MED13L: variants seen among roughly 807,000 people sequenced by gnomAD.
MED13L encodes mediator complex subunit 13L.
A neutral mutation model predicts 220.9 loss-of-function variants in MED13L; 7 were observed. The ratio of observed to expected loss-of-function variants is 0.03; its 90% CI spans 0.02 to 0.06. MED13L has a LOEUF of 0.06. Among genes scored for constraint, MED13L ranks in the 10% least tolerant of loss-of-function variants. The pLI, the probability that MED13L is intolerant of heterozygous loss-of-function variation, is 1.00. For synonymous variants in MED13L, 1,011 were observed against 1,015.2 expected (o/e 1.00, Z 0.08); for missense variants, 1,965 against 2,760.5 (o/e 0.71, Z 6.46).
rs554213058 is a variant in MED13L at position 115,977,051 on chromosome 12, T to C, written c.5365-1313A>G. The stretch of plus-strand genomic sequence containing the variant: ...GATGGTGCATGCCTGTAGTCCCAGC[T>C]ACTTGGGAGGCTGACTGCCTGAGCC... On this transcript the variant is annotated intron_variant, in intron 23 of 30. Transcript: ENST00000281928. 4.3e-4 allele frequency among the ~76,000 whole-genome samples: 65 copies of C among 152,270 alleles called. 3 individuals carry two copies. In the South Asian group the frequency reaches 0.012, roughly 29 times the overall value.
Position 116,031,803 on chromosome 12 carries a change from A to AAGGAAG in MED13L, c.480-9203_480-9202insCTTCCT, listed in dbSNP as rs1566021046. Among the ~76,000 whole-genome samples the AAGGAAG allele has an allele frequency of 4.7e-4, 42 of 89,600 alleles. 1 individual carries two copies. Among genetic ancestry groups the AAGGAAG allele is most frequent in the East Asian group, 1.8e-3 (6 of 3,262 alleles). 58.8% of individuals were successfully genotyped at this position (89,600 alleles called of 152,430 possible). The stretch of plus-strand genomic sequence containing the variant: ...AGGAAGGAAGGAAGGAAGGAAGGAA[A>AAGGAAG]GAAAGAGAGAAAGAAAAAAAGAAAG... On this transcript the variant is annotated intron_variant, in intron 4 of 30. Transcript: ENST00000281928.
At chr12:115,983,991 T>G (rs1382372105) in intron 20 of MED13L, among the ~76,000 whole-genome samples, 189 bp downstream of exon 20, 1 of 152,228 alleles carries the variant, frequency 6.6e-6, no homozygotes, top group Non-Finnish European at 1.5e-5. Flanking sequence ...CAACTTTGAA[T>G]AGTTTTTAAA....
intron 2 of MED13L, chr12:116,148,592 C>T: frequency 4.1e-6 from 1 of 242,572 alleles, no homozygotes; most frequent in Non-Finnish European, 9.1e-6. Flanking sequence ...TATCTATCTC[C>T]ATATATATGG....
chr12:116,269,814 C>T (rs2138585958), intron 1 of MED13L, among the ~76,000 whole-genome samples: 1 of 152,184 alleles, frequency 6.6e-6, no homozygotes, highest in East Asian at 1.9e-4. Context: ...CACAATTCAT[C>T]TAGAATGAGA....
At chr12:115,999,653 A>G (rs1566001954) in intron 14 of MED13L, among the ~76,000 whole-genome samples, 2 of 152,112 alleles carry the variant, frequency 1.3e-5, no homozygotes, top group African/African-American at 2.4e-5. Context: ...AGCCTTTCTT[A>G]TAAGTATCCT....
chr12:116,190,680 A>T (rs1039082066), intron 2 of MED13L, among the ~76,000 whole-genome samples: 1 of 152,210 alleles, frequency 6.6e-6, no homozygotes, highest in African/African-American at 2.4e-5. Context: ...ACTTGTTTTA[A>T]TTACAGTATA....
At chr12:116,095,099 T>C (rs1872542897) in intron 4 of MED13L, among the ~76,000 whole-genome samples, 1 of 152,022 alleles carries the variant, frequency 6.6e-6, no homozygotes, top group Non-Finnish European at 1.5e-5. Flanking sequence ...GAGGCAGAGG[T>C]TGCAGTGAGC....
intron 4 of MED13L, among the ~76,000 whole-genome samples, chr12:116,035,633 C>T (rs1881142594): frequency 6.6e-6 from 1 of 152,048 alleles, no homozygotes; most frequent in African/African-American, 2.4e-5. Flanking sequence ...TTCTGTCACT[C>T]AGGCTGGAAT....
At chr12:116,250,025 T>TAAACAAAAAAAA in intron 1 of MED13L, among the ~76,000 whole-genome samples, 1 of 40,462 alleles carries the variant, frequency 2.5e-5, no homozygotes, top group Non-Finnish European at 4.2e-5. Context: ...CAGCATAAAC[T>TAAACAAAAAAAA]AAAAAAAAAA....
chr12:116,099,296 T>A (rs1872867580), intron 3 of MED13L, among the ~76,000 whole-genome samples: 1 of 152,248 alleles, frequency 6.6e-6, no homozygotes, highest in South Asian at 2.1e-4. Flanking sequence ...ATGTACCTTG[T>A]AAATTACAGT....
At chr12:116,245,445 T>C (rs1026431433) in intron 1 of MED13L, among the ~76,000 whole-genome samples, 2 of 151,922 alleles carry the variant, frequency 1.3e-5, no homozygotes, top group Non-Finnish European at 2.9e-5. Flanking sequence ...AACATGAACA[T>C]ACAACCAAGA....
intron 4 of MED13L, among the ~76,000 whole-genome samples, chr12:116,077,850 T>C (rs998936395): frequency 1.3e-5 from 2 of 152,234 alleles, no homozygotes; most frequent in African/African-American, 4.8e-5. Flanking sequence ...ATACATACTT[T>C]AGTAAATTAA....
intron 2 of MED13L, among the ~76,000 whole-genome samples, chr12:116,148,051 C>CAAAAAA (rs10678970): frequency 0.043 from 785 of 18,122 alleles, 42 homozygotes; most frequent in Non-Finnish European, 0.062. Flanking sequence ...GACCCCATCT[C>CAAAAAA]AAAAAAAAAA....
At chr12:116,167,437 T>G (rs1473799544) in intron 2 of MED13L, among the ~76,000 whole-genome samples, 1 of 152,208 alleles carries the variant, frequency 6.6e-6, no homozygotes, top group East Asian at 1.9e-4. Flanking sequence ...TAACATTAAT[T>G]TTTCCTCTTT....
intron 2 of MED13L, among the ~76,000 whole-genome samples, chr12:116,177,194 C>T (rs111787784): frequency 1.4e-3 from 209 of 152,190 alleles, no homozygotes; most frequent in Middle Eastern, 0.01. Flanking sequence ...CTTCCTAGAA[C>T]GCTAAGTCAC....
At chr12:116,176,321 T>C (rs747840863) in intron 2 of MED13L, among the ~76,000 whole-genome samples, 8 of 152,184 alleles carry the variant, frequency 5.3e-5, no homozygotes, top group African/African-American at 1.7e-4. Flanking sequence ...TAAAACATTA[T>C]AGAAACTAAG....
intron 2 of MED13L, among the ~76,000 whole-genome samples, chr12:116,120,047 G>A (rs540649612): frequency 6.6e-6 from 1 of 151,650 alleles, no homozygotes. Flanking sequence ...GCTGTGGCTA[G>A]AACTTCTCGG....
intron 2 of MED13L, among the ~76,000 whole-genome samples, chr12:116,153,237 C>T (rs958439489): frequency 1.3e-5 from 2 of 152,180 alleles, no homozygotes; most frequent in Non-Finnish European, 2.9e-5. Context: ...TCACTATACA[C>T]AGAACTTACT....
intron 1 of MED13L, among the ~76,000 whole-genome samples, chr12:116,271,806 C>T (rs189928154): frequency 4.6e-5 from 7 of 152,026 alleles, no homozygotes; most frequent in African/African-American, 1.7e-4. Context: ...AACAGTAATA[C>T]CTAATAGTCA....
Sources: gnomAD v4.1 joint callset for allele counts (sites outside exome capture counted in the v4.1 genomes callset) on GRCh38, gnomAD v4.1.1 for gene constraint, MANE v1.5 for transcripts, NCBI Gene and HGNC (gene_info 2026-07-23, HGNC 2026-07-21) for gene names.